Variants in MS4A18 observed in about 807,000 individuals in gnomAD.
MS4A18 encodes membrane spanning 4-domains A18, also known as membrane-spanning 4-domains subfamily A member 18.
Under a neutral mutation model 13.1 loss-of-function variants are expected in MS4A18, and 27 were observed. The observed-to-expected ratio is 2.06, with a 90% CI of 1.52 to 2.84. MS4A18 has a LOEUF of 2.84. Among genes scored for constraint, MS4A18 ranks in the 30% most tolerant of loss-of-function variants. The pLI, the probability that MS4A18 is intolerant of heterozygous loss-of-function variation, is 0.00. For missense variants in MS4A18, 307 were observed against 196.4 expected, an observed-to-expected ratio of 1.56 and a Z score of -3.37; for synonymous variants, 126 against 76.5, an observed-to-expected ratio of 1.65 and a Z score of -3.38.
upstream of MS4A18, among the ~76,000 whole-genome samples, chr11:60,728,639 C>G (rs1006701186): frequency 2.0e-5 from 3 of 151,644 alleles, no homozygotes; most frequent in Admixed American, 6.6e-5. Flanking sequence ...GCGTGTGTGT[C>G]TGTCTGTCTG....
intron 2 of MS4A18, among the ~76,000 whole-genome samples, chr11:60,735,494 C>G (rs1288021877): frequency 7.0e-6 from 1 of 142,642 alleles, no homozygotes; most frequent in Non-Finnish European, 1.5e-5. Context: ...CCACCGTGCC[C>G]GGCTAATTTT....
At chr11:60,736,147 G>A (rs1389518632) in intron 2 of MS4A18, among the ~76,000 whole-genome samples, 1 of 152,078 alleles carries the variant, frequency 6.6e-6, no homozygotes, top group Non-Finnish European at 1.5e-5. Flanking sequence ...AGCTTCAAGA[G>A]AGCTAGCAAA....
At chr11:60,734,250 T>C (rs1377526449) in intron 2 of MS4A18, among the ~76,000 whole-genome samples, 2 of 151,984 alleles carry the variant, frequency 1.3e-5, no homozygotes, top group African/African-American at 4.8e-5. Flanking sequence ...AGTGAGAGCC[T>C]GTCTCAAAGG....
At chr11:60,734,785 T>C (rs1353172717) in intron 2 of MS4A18, among the ~76,000 whole-genome samples, 3 of 137,238 alleles carry the variant, frequency 2.2e-5, no homozygotes, top group Non-Finnish European at 4.7e-5. Context: ...TTTTCTTTTC[T>C]TTTTTTTTTT....
intron 3 of MS4A18, 86 bp from the exon 5 acceptor site, chr11:60,738,816 T>G: frequency 4.5e-6 from 3 of 663,826 alleles, no homozygotes; most frequent in Admixed American, 2.3e-5. Flanking sequence ...GCCTTCTCTC[T>G]TCTCCGACTT....
exon 6 of MS4A18, chr11:60,744,073 T>C (rs1853450929): frequency 1.5e-6 from 1 of 646,276 alleles, no homozygotes; most frequent in African/African-American, 1.8e-5. Context: ...TCTTTTCTTC[T>C]CCCTGAAACT....
chr11:60,735,120 A>G (rs746975503), intron 2 of MS4A18, among the ~76,000 whole-genome samples: 18 of 152,090 alleles, frequency 1.2e-4, no homozygotes, highest in Non-Finnish European at 2.5e-4. Context: ...TAAACCAAAC[A>G]CTTGAAGGGG....
upstream of MS4A18, among the ~76,000 whole-genome samples, chr11:60,729,000 C>T (rs970955670): frequency 5.7e-4 from 87 of 152,206 alleles, no homozygotes; most frequent in African/African-American, 1.8e-3. Flanking sequence ...TGTGCCCACT[C>T]AACAAACTCA....
chr11:60,731,235 A>T (rs888892294), intron 1 of MS4A18, among the ~76,000 whole-genome samples: 1 of 152,236 alleles, frequency 6.6e-6, no homozygotes, highest in Non-Finnish European at 1.5e-5. Context: ...GACTATCATT[A>T]TTATTAATTA....
chr11:60,728,152 C>CT (rs1853191704), upstream of MS4A18, among the ~76,000 whole-genome samples: 2 of 152,242 alleles, frequency 1.3e-5, no homozygotes, highest in South Asian at 4.1e-4. Context: ...TCCCAGGCCA[C>CT]TTGGCCCATG....
chr11:60,733,652 G>C lies in MS4A18; in HGVS notation c.591+5G>C. 5 of 703,592 alleles carry C rather than the reference G, an allele frequency of 7.1e-6. No homozygotes were observed. The Admixed American group carries it at 1.0e-4, about 14-fold the overall frequency. 43.6% of individuals were successfully genotyped at this position (703,592 alleles called of 1,614,324 possible). A position where few individuals can be genotyped will look rare whatever the true frequency, so the allele number is the denominator to read the frequency against. On this transcript the variant is annotated splice_donor_5th_base_variant and intron_variant, in intron 2 of 5. Coordinates refer to ENST00000529108, the Ensembl canonical transcript of MS4A18. ...CCGCTCTGGGGAGGATTATCCGTGAGTACAAGGCCATATGGTCTCCTTCCT... is the reference window on the plus strand; with the variant it reads ...CCGCTCTGGGGAGGATTATCCGTGACTACAAGGCCATATGGTCTCCTTCCT...
intron 5 of MS4A18, among the ~76,000 whole-genome samples, chr11:60,741,955 G>A (rs1395268232): frequency 6.6e-6 from 1 of 152,168 alleles, no homozygotes; most frequent in Non-Finnish European, 1.5e-5. Flanking sequence ...ATACTTTAGT[G>A]AGAGAAAAAT....
downstream of MS4A18, among the ~76,000 whole-genome samples, chr11:60,744,409 G>T: frequency 6.6e-6 from 1 of 152,310 alleles, no homozygotes; most frequent in Admixed American, 6.5e-5. Context: ...GCAATGTGGA[G>T]TGTGTTCAGT....
At chr11:60,735,335 C>CTTT (rs71043724) in intron 2 of MS4A18, among the ~76,000 whole-genome samples, 3 of 121,636 alleles carry the variant, frequency 2.5e-5, no homozygotes, top group African/African-American at 8.7e-5. Flanking sequence ...TAATGTTTTT[C>CTTT]TTTTTTTTTT....
At chr11:60,739,608 T>C (rs1158502708) in intron 4 of MS4A18, among the ~76,000 whole-genome samples, 2 of 152,190 alleles carry the variant, frequency 1.3e-5, no homozygotes, top group Admixed American at 6.5e-5. Context: ...AGCTACACCC[T>C]GTCCTGGAGT....
intron 5 of MS4A18, 130 bp downstream of exon 6, chr11:60,741,273 A>T: frequency 1.5e-6 from 1 of 671,768 alleles, no homozygotes; most frequent in African/African-American, 1.8e-5. Context: ...TTTGCTGCAT[A>T]GCTACCTACC....
chr11:60,739,981 C>G (rs1274166082), intron 4 of MS4A18, among the ~76,000 whole-genome samples: 1 of 152,184 alleles, frequency 6.6e-6, no homozygotes, highest in East Asian at 1.9e-4. Flanking sequence ...AAGGGGAGAG[C>G]TCCCTGAAGG....
chr11:60,736,732 G>C (rs1277238037), intron 2 of MS4A18, among the ~76,000 whole-genome samples: 2 of 152,176 alleles, frequency 1.3e-5, no homozygotes, highest in Non-Finnish European at 2.9e-5. Flanking sequence ...CAAAATTCAG[G>C]TTTTTAGGGG....
At chr11:60,724,764 A>G (rs1220565936), upstream of MS4A18, among the ~76,000 whole-genome samples, 1 of 152,232 alleles carries the variant, frequency 6.6e-6, no homozygotes, top group African/African-American at 2.4e-5. Context: ...GCCTGAAGAA[A>G]GAGCATCCAA....
Sources: allele counts gnomAD v4.1 joint callset (sites outside exome capture counted in the v4.1 genomes callset), GRCh38; gene constraint gnomAD v4.1.1; transcripts MANE v1.5; gene names NCBI Gene and HGNC (gene_info 2026-07-23, HGNC 2026-07-21).